RETREG3: variants seen among roughly 807,000 people sequenced by gnomAD.
The protein encoded by RETREG3 is reticulophagy regulator 3.
In RETREG3, 23 loss-of-function variants were observed where a neutral mutation model predicts 50.2. That is an observed-to-expected ratio of 0.46 (90% CI 0.33 to 0.65). The LOEUF is 0.65. Among genes scored for constraint, RETREG3 ranks in the 30% least tolerant of loss-of-function variants. RETREG3 has a pLI of 0.02. For missense variants in RETREG3, 546 were observed against 598.0 expected (o/e 0.91, Z 0.91); for synonymous variants, 240 against 234.4 (o/e 1.02, Z -0.22).
rs369538689 is a variant in RETREG3 at position 42,586,633 on chromosome 17, C to T, written c.504+132G>A. 1.6e-3 allele frequency: 2,173 copies of T among 1,320,576 alleles called. 17 individuals are homozygous for T. Among genetic ancestry groups the T allele is most frequent in the South Asian group, 9.6e-3 (611 of 63,760 alleles). 81.8% of individuals were successfully genotyped at this position (1,320,576 alleles called of 1,614,324 possible). A position where few individuals can be genotyped will look rare whatever the true frequency, so the allele number is the denominator to read the frequency against. On this transcript the variant is annotated intron_variant, in intron 4 of 8. Coordinates refer to ENST00000309428, the MANE Select transcript of RETREG3 (RefSeq NM_178126.4). The stretch of plus-strand genomic sequence containing the variant: ...GCTGGTCAGAAGGCCTTTCCTATAG[C>T]TTCCTTTTGTCTCTATGAACATCAT...
intron 1 of RETREG3, among the ~76,000 whole-genome samples, chr17:42,603,096 T>C (rs1429714033): frequency 6.6e-6 from 1 of 152,114 alleles, no homozygotes; most frequent in Non-Finnish European, 1.5e-5. Flanking sequence ...GGGACTAAAA[T>C]CCAATTAAAT....
chr17:42,584,573 G>A (rs915620689), intron 6 of RETREG3, among the ~76,000 whole-genome samples: 7 of 152,112 alleles, frequency 4.6e-5, no homozygotes, highest in African/African-American at 1.7e-4. Context: ...ACTTTGGAAC[G>A]CCAAGGCAGG....
chr17:42,585,313 A>G, intron 5 of RETREG3, 51 bp from the exon 6 acceptor site: 1 of 1,602,094 alleles, frequency 6.2e-7, no homozygotes, highest in Non-Finnish European at 8.5e-7. Flanking sequence ...GGCTGCAAAA[A>G]ACATTCCCAA....
At chr17:42,590,863 G>A (rs1458051552) in intron 2 of RETREG3, among the ~76,000 whole-genome samples, 1 of 151,916 alleles carries the variant, frequency 6.6e-6, no homozygotes, top group East Asian at 1.9e-4. Flanking sequence ...GCTACTAGCA[G>A]GGCTGAAGCA....
chr17:42,596,125 T>C (rs966162016), intron 1 of RETREG3, among the ~76,000 whole-genome samples: 3 of 151,504 alleles, frequency 2.0e-5, no homozygotes, highest in African/African-American at 7.3e-5. Flanking sequence ...TCCCAACACT[T>C]TGGGAGGCTG....
intron 1 of RETREG3, 108 bp from the exon 2 acceptor site, chr17:42,592,270 C>CT (rs934074349): frequency 3.6e-6 from 3 of 831,886 alleles, no homozygotes; most frequent in South Asian, 1.8e-5. Context: ...TGAGGTCTAG[C>CT]TTTTTTTGTT....
rs910042612 is a variant in RETREG3 at position 42,582,266 on chromosome 17, T to C, written c.948A>G (p.Leu316=). 1.9e-6 allele frequency: 3 copies of C among 1,602,714 alleles called. No homozygotes were observed. Among genetic ancestry groups the C allele is most frequent in the Non-Finnish European group, 2.5e-6 (3 of 1,178,870 alleles). ...ATTCCTCTGGATCACTGTGACCATC[T>C]AGGTCTGGTGGAATACAGAAGTGTC... ...QTPLTEGSED[L]DGHSDPEESF... The change falls in exon 9 of 9, where the codon CTA becomes CTG. Residue 316 remains leucine, a synonymous_variant. Coordinates refer to ENST00000309428, the MANE Select transcript of RETREG3 (RefSeq NM_178126.4).
chr17:42,597,115 C>A (rs1182344265), intron 1 of RETREG3, among the ~76,000 whole-genome samples: 4 of 152,020 alleles, frequency 2.6e-5, no homozygotes, highest in Non-Finnish European at 5.9e-5. Context: ...CTCAAGTGAT[C>A]CGCCCGCTTC....
intron 1 of RETREG3, 27 bp downstream of exon 1, chr17:42,609,059 G>A (rs1263395503): frequency 6.3e-7 from 1 of 1,592,250 alleles, no homozygotes; most frequent in Admixed American, 1.7e-5. Context: ...GGGACTCGGA[G>A]GGTTTCCGAG....
At chr17:42,586,637 C>G in intron 4 of RETREG3, 128 bp downstream of exon 4, 1 of 1,354,912 alleles carries the variant, frequency 7.4e-7, no homozygotes, top group Non-Finnish European at 1.0e-6. Flanking sequence ...CTATAGCTTC[C>G]TTTTGTCTCT....
At chr17:42,593,168 A>G (rs1400832865) in intron 1 of RETREG3, among the ~76,000 whole-genome samples, 1 of 152,218 alleles carries the variant, frequency 6.6e-6, no homozygotes, top group Non-Finnish European at 1.5e-5. Flanking sequence ...ATATAGATGT[A>G]AAAATCTTCA....
At chr17:42,596,359 C>CAAAA (rs60457978) in intron 1 of RETREG3, among the ~76,000 whole-genome samples, 14 of 64,710 alleles carry the variant, frequency 2.2e-4, no homozygotes, top group South Asian at 6.2e-4. Context: ...GACCCTTTCT[C>CAAAA]AAAAAAAAAA....
intron 1 of RETREG3, chr17:42,598,973 T>C (rs1376365316): frequency 6.6e-6 from 1 of 152,082 alleles, no homozygotes; most frequent in Non-Finnish European, 1.5e-5. Context: ...ATTGCCATCA[T>C]CTCTGGAAAA....
chr17:42,605,360 G>A (rs1462030924), intron 1 of RETREG3: 1 of 151,996 alleles, frequency 6.6e-6, no homozygotes, highest in Non-Finnish European at 1.5e-5. Context: ...CAATAAAAGA[G>A]AAACTAAATA....
chr17:42,587,675 G>T, intron 3 of RETREG3, 159 bp downstream of exon 3: 1 of 791,292 alleles, frequency 1.3e-6, no homozygotes, highest in Admixed American at 2.2e-5. Flanking sequence ...TCAACATATT[G>T]CTGCCTGAAC....
intron 6 of RETREG3, among the ~76,000 whole-genome samples, chr17:42,584,213 T>G (rs1392705119): frequency 3.9e-5 from 6 of 152,092 alleles, no homozygotes; most frequent in Non-Finnish European, 7.4e-5. Flanking sequence ...GTGGACATGA[T>G]CAAAGAGAGG....
rs535696529 is a variant in RETREG3, at chr17:42,582,921, A to C, written c.811-115T>G. The C allele has an allele frequency of 3.8e-4, 515 of 1,351,218 alleles. 5 individuals carry two copies. In the South Asian group the frequency reaches 5.0e-3, roughly 13 times the overall value. 83.7% of individuals were successfully genotyped at this position (1,351,218 alleles called of 1,614,324 possible). Reference sequence around the variant, plus strand: ...TATCCGAAGGCCATCAAATCAATGTAACCAGGGATAGATGGTAACTTCCCG... The same window carrying C: ...TATCCGAAGGCCATCAAATCAATGTCACCAGGGATAGATGGTAACTTCCCG... On this transcript the variant is annotated intron_variant, in intron 7 of 8. Coordinates refer to ENST00000309428, the MANE Select transcript of RETREG3 (RefSeq NM_178126.4).
At chr17:42,600,972 C>CA (rs1345643746) in intron 1 of RETREG3, among the ~76,000 whole-genome samples, 2 of 151,944 alleles carry the variant, frequency 1.3e-5, no homozygotes, top group Admixed American at 1.3e-4. Flanking sequence ...GTGAAACCTT[C>CA]TCTCAAAAAA....
Position 42,586,660 on chromosome 17 carries a change from G to C in RETREG3, c.504+105C>G. 4 of 1,460,506 alleles carry C rather than the reference G, an allele frequency of 2.7e-6. No individual in the cohort carries two copies. The South Asian group carries it at 5.4e-5, about 20-fold the overall frequency. The allele number at this position is 1,460,506 out of a possible 1,614,324, so 90.5% of individuals were successfully genotyped here. On this transcript the variant is annotated intron_variant, in intron 4 of 8. Coordinates refer to ENST00000309428, the MANE Select transcript of RETREG3 (RefSeq NM_178126.4). Reference sequence around the variant, plus strand: ...TCCTTTTGTCTCTATGAACATCATAGTCTTTACTTTCTTGAATGAAGACAC... The same window carrying C: ...TCCTTTTGTCTCTATGAACATCATACTCTTTACTTTCTTGAATGAAGACAC...
Sources: gnomAD v4.1 joint callset for allele counts (sites outside exome capture counted in the v4.1 genomes callset) on GRCh38, gnomAD v4.1.1 for gene constraint, MANE v1.5 for transcripts, NCBI Gene and HGNC (gene_info 2026-07-23, HGNC 2026-07-21) for gene names.